Variants in ADNP2 observed in about 807,000 individuals in gnomAD.
The protein encoded by ADNP2 is ADNP homeobox 2, also known as activity-dependent neuroprotector homeobox protein 2.
ADNP2 carries 8 observed loss-of-function variants against 16.4 expected under a neutral mutation model. That is an observed-to-expected ratio of 0.49 (90% CI 0.29 to 0.88). The LOEUF (loss-of-function observed/expected upper bound fraction) is 0.88, where lower values mean the gene tolerates loss of function less well. Ranked by LOEUF, ADNP2 falls within the 40% of genes least tolerant of loss-of-function variation. The pLI is 0.09. For synonymous variants in ADNP2, 637 were observed against 545.8 expected, an observed-to-expected ratio of 1.17 and a Z score of -2.33; for missense variants, 1,397 against 1,395.1, an observed-to-expected ratio of 1.00 and a Z score of -0.02.
Position 80,135,665 on chromosome 18 carries a change from G to A in ADNP2, c.252G>A (p.Val84=), listed in dbSNP as rs1370762986. Residue 84 remains valine (V), a synonymous_variant, in exon 4 of 4, where the codon GTG becomes GTA. Coordinates refer to ENST00000262198, the MANE Select transcript of ADNP2 (RefSeq NM_014913.4). ...CCGLCKYSTK[V]LTSFKNHLHR... ...GCCTCTGTAAATACTCTACAAAGGTGCTTACTTCATTCAAGAATCATTTAC... is the reference window on the plus strand; with the variant it reads ...GCCTCTGTAAATACTCTACAAAGGTACTTACTTCATTCAAGAATCATTTAC... The A allele has an allele frequency of 1.2e-6, 2 of 1,614,088 alleles. No homozygotes were observed. Among genetic ancestry groups the A allele is most frequent in the Non-Finnish European group, 1.7e-6 (2 of 1,180,036 alleles).
At chr18:80,133,019 C>G in intron 2 of ADNP2, 84 bp from the exon 3 acceptor site, 1 of 989,430 alleles carries the variant, frequency 1.0e-6, no homozygotes, top group Admixed American at 2.2e-5. Flanking sequence ...CTATGCCCGG[C>G]CTTATAATCT....
At chr18:80,134,461 GAATT>G (rs1009916416) in intron 3 of ADNP2, among the ~76,000 whole-genome samples, 3 of 151,838 alleles carry the variant, frequency 2.0e-5, no homozygotes, top group Non-Finnish European at 4.4e-5. Flanking sequence ...GAAAGGATGA[GAATT>G]AACCCTTGAT....
chr18:80,110,317 G>C (rs575066049), intron 1 of ADNP2, among the ~76,000 whole-genome samples: 1 of 152,246 alleles, frequency 6.6e-6, no homozygotes, highest in African/African-American at 2.4e-5. Context: ...ATTTTAAGTA[G>C]TTTATTTGAA....
chr18:80,110,991 G>A (rs1418431598), intron 1 of ADNP2, among the ~76,000 whole-genome samples: 1 of 152,120 alleles, frequency 6.6e-6, no homozygotes, highest in Non-Finnish European at 1.5e-5. Context: ...TTTTTAATTT[G>A]AACCCAAGTT....
intron 2 of ADNP2, among the ~76,000 whole-genome samples, chr18:80,122,662 A>G (rs988244923): frequency 5.9e-5 from 9 of 152,210 alleles, no homozygotes; most frequent in African/African-American, 2.2e-4. Context: ...ATTTTTGTGT[A>G]TTGATCTTGA....
chr18:80,137,304 C>T lies in ADNP2; in HGVS notation c.1891C>T (p.Leu631Phe), dbSNP rs776698719. Reference sequence around the variant, plus strand: ...CACTCTGCCGGTTCCCCCTGGAGGCCTTGCGACTGTCGCTCCGCCCCAGAT... The same window carrying T: ...CACTCTGCCGGTTCCCCCTGGAGGCTTTGCGACTGTCGCTCCGCCCCAGAT... The part of the protein sequence containing the change: ...SVTLPVPPGG[L>F]ATVAPPQMPI... The change falls in exon 4 of 4, where the codon CTT becomes TTT. Residue 631 changes from leucine to phenylalanine, a missense_variant. By Grantham distance (22) the Leu-to-Phe change is conservative (BLOSUM62 0). Around this residue, in one of 3 missense-constraint regions of ADNP2, gnomAD observed 611 missense variants for 648.7 expected, o/e 0.94. Coordinates refer to ENST00000262198, the MANE Select transcript of ADNP2 (RefSeq NM_014913.4). The surrounding 1 kb of genome is among the most constrained non-coding windows in gnomAD (Gnocchi z 4.2). The T allele has an allele frequency of 8.1e-6, 13 of 1,613,880 alleles. No individual in the cohort carries two copies. The highest frequency in any genetic ancestry group is 5.0e-5 in the Admixed American group (3 of 59,976).
chr18:80,112,481 A>C (rs966444023), intron 1 of ADNP2, among the ~76,000 whole-genome samples: 9 of 152,100 alleles, frequency 5.9e-5, no homozygotes, highest in Non-Finnish European at 5.9e-5. Flanking sequence ...TTTTTAAATG[A>C]AAAGGTATTT....
rs139641541 is a variant in ADNP2 at position 80,135,889 on chromosome 18, A to G, written c.476A>G (p.Lys159Arg). Residue 159 changes from lysine (K) to arginine (R), a missense_variant, in exon 4 of 4, where the codon AAA becomes AGA. This residue lies in a region of ADNP2 where 777 missense variants were observed against 719.4 expected (regional missense o/e 1.08). Coordinates refer to ENST00000262198, the MANE Select transcript of ADNP2 (RefSeq NM_014913.4). ...GATGTGATAAGTTTCACATGTCTAA[A>G]ATGTAACTTTTCAAACACTTTGTAC... ...RSDVISFTCL[K>R]CNFSNTLYYS... is the part of the protein sequence containing the mutation. 33 of 1,614,134 alleles carry G rather than the reference A, an allele frequency of 2.0e-5. No individual in the cohort carries two copies. The highest frequency in any genetic ancestry group is 2.7e-5 in the Non-Finnish European group (32 of 1,180,048).
intron 2 of ADNP2, among the ~76,000 whole-genome samples, chr18:80,119,912 C>T (rs1030009703): frequency 1.3e-5 from 2 of 152,150 alleles, no homozygotes; most frequent in Non-Finnish European, 2.9e-5. Context: ...CAACCACCTC[C>T]CCCCCAACCC....
At chr18:80,132,619 C>CTCTCT (rs1177862416) in intron 2 of ADNP2, among the ~76,000 whole-genome samples, 1 of 151,308 alleles carries the variant, frequency 6.6e-6, no homozygotes, top group African/African-American at 2.4e-5. Flanking sequence ...CTTTCTCTTT[C>CTCTCT]TTTTTTCTCT....
Position 80,138,976 on chromosome 18 carries a change from A to T in ADNP2, c.*167A>T, listed in dbSNP as rs1487524718. 9 of 538,748 alleles carry T rather than the reference A, an allele frequency of 1.7e-5. No individual in the cohort carries two copies. In the East Asian group the frequency reaches 2.6e-4, roughly 16 times the overall value. The allele number at this position is 538,748 out of a possible 1,614,324, so 33.4% of individuals were successfully genotyped here. ...GAGAGACCCCTGTTACCAGGAAGCC[A>T]GTAGTTATTTCACATCTATTGTTTC... is the stretch of plus-strand genomic sequence containing the variant. On this transcript the variant is annotated 3_prime_UTR_variant, in exon 4 of 4. Transcript: ENST00000262198.
intron 2 of ADNP2, among the ~76,000 whole-genome samples, chr18:80,119,811 A>G (rs1342292762): frequency 1.3e-5 from 2 of 152,218 alleles, no homozygotes; most frequent in African/African-American, 4.8e-5. Context: ...ACCCTTGTCA[A>G]GTTACCTGCC....
At chr18:80,125,594 G>C (rs2052453072) in intron 2 of ADNP2, among the ~76,000 whole-genome samples, 1 of 151,944 alleles carries the variant, frequency 6.6e-6, no homozygotes, top group African/African-American at 2.4e-5. Context: ...AGTGAGCCTA[G>C]AATGTGCCAC....
At chr18:80,116,312 C>T (rs962416507) in intron 1 of ADNP2, among the ~76,000 whole-genome samples, 6 of 152,258 alleles carry the variant, frequency 3.9e-5, no homozygotes, top group African/African-American at 9.6e-5. Context: ...GGTTTGTTTA[C>T]ACATTTTGGT....
rs1428142487 is a variant in ADNP2 at position 80,109,317 on chromosome 18, G to A, written c.-169G>A. ...GCGGGAGGAGGGGACCAGTCGCGCT[G>A]GGGGTGGGCGCGCGCTGAGGCGGGG... is the stretch of plus-strand genomic sequence containing the variant. On this transcript the variant is annotated 5_prime_UTR_variant, in exon 1 of 4. Transcript: ENST00000262198. 6.6e-6 allele frequency: 1 copy of A among 151,130 alleles called. No homozygotes were observed. The highest frequency in any genetic ancestry group is 1.5e-5 in the Non-Finnish European group (1 of 67,764). The allele number at this position is 151,130 out of a possible 1,614,324, so 9.4% of individuals were successfully genotyped here.
At chr18:80,133,016 C>A in intron 2 of ADNP2, 87 bp from the exon 3 acceptor site, 1 of 974,218 alleles carries the variant, frequency 1.0e-6, no homozygotes, top group Non-Finnish European at 1.6e-6. Context: ...CCACTATGCC[C>A]GGCCTTATAA....
At position 80,138,300 on chromosome 18, in the gene ADNP2, T is replaced by C; in HGVS notation, c.2887T>C (p.Leu963=). 1 of 1,614,142 alleles carries C rather than the reference T, an allele frequency of 6.2e-7. No individual in the cohort carries two copies. The change falls in exon 4 of 4, where the codon TTA becomes CTA. Residue 963 remains leucine (L), a synonymous_variant. Transcript: ENST00000262198. The part of the protein sequence containing the change: ...PGFIHNSELL[L]VSGEVMHDSS... Reference sequence around the variant, plus strand: ...TTTTATTCACAACAGTGAACTGCTTTTAGTCAGTGGTGAAGTGATGCATGA... The same window carrying C: ...TTTTATTCACAACAGTGAACTGCTTCTAGTCAGTGGTGAAGTGATGCATGA...
chr18:80,136,804 G>C lies in ADNP2; in HGVS notation c.1391G>C (p.Gly464Ala), dbSNP rs148137399. The C allele has an allele frequency of 6.2e-7, 1 of 1,613,664 alleles. No individual in the cohort carries two copies. The change falls in exon 4 of 4, where the codon GGG (glycine) becomes GCG (alanine). Residue 464 changes from glycine (G) to alanine (A), a missense_variant. By Grantham distance (60) the Gly-to-Ala change is moderately conservative. Transcript: ENST00000262198. The stretch of plus-strand genomic sequence containing the variant: ...CCTGCAGGCCAGATGACTCCTGCAG[G>C]GGTTATCCCTGGGCAAACAGCAACT... The part of the protein sequence containing the change: ...MTPAGQMTPA[G>A]VIPGQTATSG...
intron 3 of ADNP2, among the ~76,000 whole-genome samples, chr18:80,134,473 G>C (rs2052519430): frequency 6.6e-6 from 1 of 151,396 alleles, no homozygotes; most frequent in Non-Finnish European, 1.5e-5. Flanking sequence ...ATTAACCCTT[G>C]ATCACTGTGG....
Sources: allele counts gnomAD v4.1 joint callset (sites outside exome capture counted in the v4.1 genomes callset), GRCh38; gene constraint gnomAD v4.1.1; regional missense constraint gnomAD v4.1.1; non-coding constraint Gnocchi (gnomAD v3.1); transcripts MANE v1.5; gene names NCBI Gene and HGNC (gene_info 2026-07-23, HGNC 2026-07-21).